GPR141: variants seen among roughly 807,000 people sequenced by gnomAD.
GPR141 encodes probable G protein-coupled receptor 141.
A neutral mutation model predicts 6.8 loss-of-function variants in GPR141; 6 were observed. That is an observed-to-expected ratio of 0.88 (90% CI 0.48 to 1.74). The LOEUF (loss-of-function observed/expected upper bound fraction) is 1.74, where lower values mean the gene tolerates loss of function less well. GPR141 is among the 40% of genes most tolerant of loss of function. GPR141 has a pLI of 0.01. For synonymous variants in GPR141, 140 were observed against 142.3 expected, an observed-to-expected ratio of 0.98 and a Z score of 0.11; for missense variants, 372 against 372.9, an observed-to-expected ratio of 1.00 and a Z score of 0.02.
intron 2 of GPR141, among the ~76,000 whole-genome samples, chr7:37,716,410 A>G (rs970609637): frequency 7.2e-5 from 11 of 152,210 alleles, no homozygotes; most frequent in South Asian, 2.1e-4. Flanking sequence ...TCTTAGAGCT[A>G]GAAGGGGTAC....
At chr7:37,685,364 T>TCCTGCCTGCCTGCCTGCCTG (rs542068592) in intron 1 of GPR141, 96 bp from the exon 2 acceptor site, 2 of 145,244 alleles carry the variant, frequency 1.4e-5, no homozygotes, top group African/African-American at 2.6e-5. Context: ...CCTCCTTCCT[T>TCCTGCCTGCCTGCCTGCCTG]CCTGCCTGCC....
chr7:37,736,028 G>T (rs1321584004), intron 2 of GPR141, among the ~76,000 whole-genome samples: 2 of 152,166 alleles, frequency 1.3e-5, no homozygotes, highest in Non-Finnish European at 2.9e-5. Context: ...GGAGGCTGAG[G>T]CGGGTGGATC....
At chr7:37,724,312 T>TA (rs1276014199) in intron 2 of GPR141, among the ~76,000 whole-genome samples, 2 of 152,026 alleles carry the variant, frequency 1.3e-5, no homozygotes, top group Non-Finnish European at 2.9e-5. Context: ...TTTTTGCTAT[T>TA]AAAAAAACCA....
intron 2 of GPR141, among the ~76,000 whole-genome samples, chr7:37,701,787 G>A (rs996335721): frequency 4.6e-5 from 7 of 152,148 alleles, no homozygotes; most frequent in African/African-American, 1.4e-4. Flanking sequence ...AATTCATATC[G>A]TAGAGTTGTC....
At chr7:37,695,197 G>C (rs1162335729) in intron 2 of GPR141, among the ~76,000 whole-genome samples, 1 of 152,156 alleles carries the variant, frequency 6.6e-6, no homozygotes, top group Admixed American at 6.5e-5. Flanking sequence ...TCAACTTGGG[G>C]ATTTCAGGCC....
At chr7:37,703,688 G>A (rs1810397224) in intron 2 of GPR141, among the ~76,000 whole-genome samples, 1 of 152,166 alleles carries the variant, frequency 6.6e-6, no homozygotes, top group Admixed American at 6.5e-5. Context: ...AATGGAGGGA[G>A]CAATAGTATC....
chr7:37,690,463 T>C (rs1425263405), intron 2 of GPR141, among the ~76,000 whole-genome samples: 1 of 152,158 alleles, frequency 6.6e-6, no homozygotes, highest in Non-Finnish European at 1.5e-5. Flanking sequence ...TGCTCTTGCT[T>C]TGCCTTCCAC....
intron 2 of GPR141, among the ~76,000 whole-genome samples, chr7:37,732,026 G>T (rs537284808): frequency 9.2e-4 from 102 of 110,818 alleles, no homozygotes; most frequent in African/African-American, 3.4e-3. Context: ...TTCTTTGTTT[G>T]TTTTTTTTAT....
intron 2 of GPR141, among the ~76,000 whole-genome samples, chr7:37,708,742 G>T (rs1161780308): frequency 6.6e-6 from 1 of 151,982 alleles, no homozygotes; most frequent in Non-Finnish European, 1.5e-5. Context: ...GAGCAATAAG[G>T]TATCAAAGCT....
chr7:37,694,282 C>T (rs1213674791), intron 2 of GPR141, among the ~76,000 whole-genome samples: 1 of 152,248 alleles, frequency 6.6e-6, no homozygotes, highest in African/African-American at 2.4e-5. Flanking sequence ...GCTTTTGGAG[C>T]AGCTCTGCCG....
chr7:37,738,528 A>T (rs188094836), intron 2 of GPR141, among the ~76,000 whole-genome samples: 2 of 152,354 alleles, frequency 1.3e-5, no homozygotes, highest in East Asian at 3.9e-4. Context: ...TACACAGTGT[A>T]ACATGAGACA....
chr7:37,696,930 T>C (rs1171426755), intron 2 of GPR141, among the ~76,000 whole-genome samples: 1 of 152,176 alleles, frequency 6.6e-6, no homozygotes, highest in Non-Finnish European at 1.5e-5. Flanking sequence ...GAAAAAATTT[T>C]AATAGTAAAA....
At chr7:37,721,066 A>G (rs547297120) in intron 2 of GPR141, among the ~76,000 whole-genome samples, 1 of 152,330 alleles carries the variant, frequency 6.6e-6, no homozygotes, top group African/African-American at 2.4e-5. Flanking sequence ...TGGAGCAGTG[A>G]AGAAATGTCA....
chr7:37,733,941 G>A (rs984561462), intron 2 of GPR141, among the ~76,000 whole-genome samples: 1 of 152,142 alleles, frequency 6.6e-6, no homozygotes, highest in African/African-American at 2.4e-5. Context: ...GGAGATCAAG[G>A]CAGGTGGATT....
chr7:37,721,569 G>A (rs1156616797), intron 2 of GPR141, among the ~76,000 whole-genome samples: 1 of 152,176 alleles, frequency 6.6e-6, no homozygotes. Context: ...ATCCATAGAT[G>A]TTGGTTACTT....
chr7:37,698,003 T>G (rs1810101715), intron 2 of GPR141, among the ~76,000 whole-genome samples: 1 of 152,222 alleles, frequency 6.6e-6, no homozygotes, highest in Admixed American at 6.5e-5. Flanking sequence ...CTGGCCCCCG[T>G]GCCTGGCAGC....
intron 2 of GPR141, among the ~76,000 whole-genome samples, chr7:37,715,382 G>T (rs536122397): frequency 1.3e-5 from 2 of 152,030 alleles, no homozygotes; most frequent in Non-Finnish European, 2.9e-5. Context: ...CTCCCACCTC[G>T]GCCTCCCAAA....
At position 37,742,464 on chromosome 7, in the gene GPR141, C is replaced by T. The variant is rs1207218782; in HGVS notation, c.*1153C>T. On this transcript the variant is annotated 3_prime_UTR_variant, in exon 3 of 3. Coordinates refer to ENST00000334425, the MANE Select transcript of GPR141 (RefSeq NM_001381946.1). The stretch of plus-strand genomic sequence containing the variant: ...CCTGTGTCCATGTGTTTTCATTGTT[C>T]AACTCCCACTTCTAAGTGAGAACAT... Among the ~76,000 whole-genome samples, 1 of 147,764 alleles carries T rather than the reference C, an allele frequency of 6.8e-6. No individual in the cohort carries two copies. Among genetic ancestry groups the T allele is most frequent in the African/African-American group, 2.5e-5 (1 of 39,930 alleles).
At chr7:37,692,168 C>G (rs1400050739) in intron 2 of GPR141, among the ~76,000 whole-genome samples, 1 of 152,092 alleles carries the variant, frequency 6.6e-6, no homozygotes, top group Admixed American at 6.5e-5. Flanking sequence ...CCCAACAGCC[C>G]CCAGTGTGTG....
Sources: gnomAD v4.1 joint callset for allele counts (sites outside exome capture counted in the v4.1 genomes callset) on GRCh38, gnomAD v4.1.1 for gene constraint, MANE v1.5 for transcripts, NCBI Gene and HGNC (gene_info 2026-07-23, HGNC 2026-07-21) for gene names.